The following FRMPD4 variants were observed in gnomAD, a reference collection of about 807,000 sequenced individuals.
The protein encoded by FRMPD4 is FERM and PDZ domain-containing protein 4.
Under a neutral mutation model 94.1 loss-of-function variants are expected in FRMPD4, and 22 were observed. That is an observed-to-expected ratio of 0.23 (90% confidence interval 0.17 to 0.33). The LOEUF is 0.33. Among genes scored for constraint, FRMPD4 ranks in the 10% least tolerant of loss-of-function variants. FRMPD4 has a pLI of 1.00. For synonymous variants in FRMPD4, 631 were observed against 548.6 expected (o/e 1.15, Z -2.10); for missense variants, 1,111 against 1,339.9 (o/e 0.83, Z 2.67).
intron 1 of FRMPD4, among the ~76,000 whole-genome samples, chrX:12,267,196 T>A (rs2054289465): frequency 8.9e-6 from 1 of 112,063 alleles, no homozygotes; most frequent in Non-Finnish European, 1.9e-5. Flanking sequence ...ACCCGCTATA[T>A]AATCAAGAGG....
Position 12,710,381 on chromosome X carries a change from G to T in FRMPD4, c.1471-18G>T, listed in dbSNP as rs1303784173. 1 of 1,183,394 alleles carries T rather than the reference G, an allele frequency of 8.5e-7. No homozygotes were observed. The highest frequency in any genetic ancestry group is 3.0e-5 in the East Asian group (1 of 33,289). On this transcript the variant is annotated intron_variant, in intron 13 of 16. Coordinates refer to ENST00000675598, the MANE Select transcript of FRMPD4 (RefSeq NM_001368397.1). ...TTAAGAATGGATGGCTTTAACCAAA[G>T]TGTTCTCTTTTGTGTAGCCTATCAC...
At chrX:12,708,298 C>T (rs1602355424) in intron 13 of FRMPD4, among the ~76,000 whole-genome samples, 2 of 109,979 alleles carry the variant, frequency 1.8e-5, no homozygotes, top group Middle Eastern at 4.7e-3. Flanking sequence ...GGTGAAACCC[C>T]ATCTCTACTA....
intron 1 of FRMPD4, among the ~76,000 whole-genome samples, chrX:11,825,167 C>G (rs1339627083): frequency 1.0e-5 from 1 of 99,968 alleles, no homozygotes; most frequent in Admixed American, 1.1e-4. Flanking sequence ...TTTTGGCATC[C>G]TGAGCTGCAG....
intron 4 of FRMPD4, among the ~76,000 whole-genome samples, chrX:12,624,967 G>A (rs1046906132): frequency 1.8e-5 from 2 of 111,328 alleles, no homozygotes; most frequent in Non-Finnish European, 3.8e-5. Context: ...AATTAAAAGT[G>A]GGCAAAAGAT....
intron 1 of FRMPD4, among the ~76,000 whole-genome samples, chrX:12,219,079 A>G (rs1469236475): frequency 8.9e-6 from 1 of 112,226 alleles, no homozygotes; most frequent in Non-Finnish European, 1.9e-5. Flanking sequence ...GCTTTTAAAA[A>G]TGATTTGGGC....
chrX:12,089,456 C>T (rs2055136777), intron 3 of FRMPD4, among the ~76,000 whole-genome samples: 1 of 112,233 alleles, frequency 8.9e-6, no homozygotes. Flanking sequence ...TCCAGTTGCT[C>T]TACTCTTTGC....
intron 3 of FRMPD4, among the ~76,000 whole-genome samples, chrX:11,896,936 C>A (rs1277854777): frequency 9.0e-6 from 1 of 111,230 alleles, no homozygotes; most frequent in East Asian, 2.8e-4. Context: ...CAGGGGATGC[C>A]AATGCTGCTG....
intron 1 of FRMPD4, among the ~76,000 whole-genome samples, chrX:12,153,833 A>G (rs758501627): frequency 2.8e-4 from 31 of 112,719 alleles, no homozygotes; most frequent in African/African-American, 9.0e-4. Flanking sequence ...AATGGTTTTT[A>G]CATTTTTAAA....
At chrX:12,162,738 T>A (rs1046940324) in intron 1 of FRMPD4, among the ~76,000 whole-genome samples, 3 of 111,821 alleles carry the variant, frequency 2.7e-5, no homozygotes, top group African/African-American at 6.5e-5. Flanking sequence ...CTCTTCTGTT[T>A]CTACCCCTAG....
chrX:12,660,150 T>C (rs746272048), intron 4 of FRMPD4, among the ~76,000 whole-genome samples: 168 of 112,435 alleles, frequency 1.5e-3, no homozygotes, highest in African/African-American at 5.0e-3. Flanking sequence ...AATTAGACTT[T>C]GCAAAGATTT....
chrX:12,517,253 G>A (rs2058109570), intron 2 of FRMPD4, among the ~76,000 whole-genome samples: 1 of 111,352 alleles, frequency 9.0e-6, no homozygotes, highest in Non-Finnish European at 1.9e-5. Context: ...TCTTGCTGGT[G>A]TTCTGATCAT....
intron 1 of FRMPD4, among the ~76,000 whole-genome samples, chrX:12,461,155 T>C (rs1287171226): frequency 8.9e-6 from 1 of 112,227 alleles, no homozygotes; most frequent in Non-Finnish European, 1.9e-5. Flanking sequence ...ATTAAGTGAC[T>C]GGTACAAGGA....
chrX:12,545,372 G>C (rs1281078713), intron 2 of FRMPD4, among the ~76,000 whole-genome samples: 2 of 111,785 alleles, frequency 1.8e-5, no homozygotes, highest in Non-Finnish European at 3.8e-5. Flanking sequence ...CCCTGTTCTA[G>C]AATGTTCTCC....
intron 1 of FRMPD4, among the ~76,000 whole-genome samples, chrX:12,334,211 T>C (rs1335540843): frequency 1.8e-5 from 2 of 112,089 alleles, no homozygotes; most frequent in Non-Finnish European, 3.8e-5. Context: ...TTTTCTTCTT[T>C]CAGGGAAGGA....
intron 3 of FRMPD4, among the ~76,000 whole-genome samples, chrX:12,093,592 A>G (rs1439547346): frequency 1.0e-4 from 10 of 98,343 alleles, no homozygotes; most frequent in African/African-American, 3.0e-4. Flanking sequence ...AGTTGCAGAC[A>G]AAACCAAGAC....
chrX:12,419,958 G>A (rs747224805), intron 1 of FRMPD4, among the ~76,000 whole-genome samples: 5 of 111,112 alleles, frequency 4.5e-5, no homozygotes, highest in African/African-American at 9.8e-5. Flanking sequence ...TTTGTTTTCC[G>A]TTACCGTCTT....
chrX:11,882,638 G>A (rs773192674), intron 3 of FRMPD4, among the ~76,000 whole-genome samples: 33 of 111,726 alleles, frequency 3.0e-4, no homozygotes, highest in Non-Finnish European at 5.5e-4. Flanking sequence ...TGTGTATAAT[G>A]TATATATGAA....
At chrX:12,459,926 G>A (rs913280873) in intron 1 of FRMPD4, among the ~76,000 whole-genome samples, 1 of 111,539 alleles carries the variant, frequency 9.0e-6, no homozygotes, top group Non-Finnish European at 1.9e-5. Flanking sequence ...ATATATGAGA[G>A]TCCAGTTGAT....
intron 3 of FRMPD4, among the ~76,000 whole-genome samples, chrX:12,096,465 C>T (rs1412926898): frequency 9.0e-6 from 1 of 111,727 alleles, no homozygotes; most frequent in African/African-American, 3.3e-5. Flanking sequence ...AATATATTTT[C>T]TACTCCCCCC....
Sources: allele counts gnomAD v4.1 joint callset (sites outside exome capture counted in the v4.1 genomes callset), GRCh38; gene constraint gnomAD v4.1.1; transcripts MANE v1.5; gene names NCBI Gene and HGNC (gene_info 2026-07-23, HGNC 2026-07-21).